The following NELFB variants were observed in gnomAD, a reference collection of about 807,000 sequenced individuals.
NELFB encodes the protein negative elongation factor B.
A neutral mutation model predicts 60.2 loss-of-function variants in NELFB; 34 were observed. That is an observed-to-expected ratio of 0.56 (90% CI 0.43 to 0.75). NELFB has a LOEUF of 0.75. NELFB is among the 30% of genes least tolerant of loss of function. The probability of loss-of-function intolerance (pLI) is 0.00; values close to 1 mark genes in which losing one functional copy is unlikely to be tolerated. For synonymous variants in NELFB, 459 were observed against 382.1 expected (o/e 1.20, Z -2.35); for missense variants, 770 against 831.6 (o/e 0.93, Z 0.91).
At position 137,273,108 on chromosome 9, in the gene NELFB, C is replaced by A; in HGVS notation, c.*180C>A. ...TTGGAGCTGGCTCCCGGACCTTGCC[C>A]ACCATCCATGCAGTGGCTCCCAGGG... On this transcript the variant is annotated 3_prime_UTR_variant, in exon 13 of 13. Coordinates refer to ENST00000343053, the MANE Select transcript of NELFB (RefSeq NM_015456.5). 1 of 616,928 alleles carries A rather than the reference C, an allele frequency of 1.6e-6. No individual in the cohort carries two copies. Among genetic ancestry groups the A allele is most frequent in the Non-Finnish European group, 2.6e-6 (1 of 380,264 alleles). The allele number at this position is 616,928 out of a possible 1,614,324, so 38.2% of individuals were successfully genotyped here. A position where few individuals can be genotyped will look rare whatever the true frequency, so the allele number is the denominator to read the frequency against.
chr9:137,261,016 G>A (rs1323262315), intron 4 of NELFB, among the ~76,000 whole-genome samples: 5 of 149,912 alleles, frequency 3.3e-5, no homozygotes, highest in South Asian at 4.2e-4. Flanking sequence ...CCAAGATTGC[G>A]CCACTGTACT....
At chr9:137,266,167 C>T (rs928108562) in intron 7 of NELFB, among the ~76,000 whole-genome samples, 164 bp from the exon 8 acceptor site, 12 of 152,262 alleles carry the variant, frequency 7.9e-5, no homozygotes, top group South Asian at 2.1e-4. Flanking sequence ...TGTGCTTCCC[C>T]GCTGTGAGAC....
chr9:137,256,216 A>G (rs1837548152), intron 2 of NELFB, 113 bp from the exon 3 acceptor site: 2 of 1,349,216 alleles, frequency 1.5e-6, no homozygotes, highest in Non-Finnish European at 2.1e-6. Flanking sequence ...CCCTTGACCC[A>G]TGTGTCCTGG....
chr9:137,263,296 C>A, intron 5 of NELFB, 74 bp downstream of exon 5: 1 of 1,364,838 alleles, frequency 7.3e-7, no homozygotes, highest in Non-Finnish European at 1.0e-6. Context: ...TTCCCTCCCA[C>A]TCCCCGGCCC....
intron 4 of NELFB, among the ~76,000 whole-genome samples, chr9:137,261,690 A>T (rs982188652): frequency 6.6e-6 from 1 of 151,248 alleles, no homozygotes; most frequent in Non-Finnish European, 1.5e-5. Flanking sequence ...GATTGGGTGT[A>T]GGGACCAGCC....
chr9:137,256,785 C>T (rs748714715), intron 3 of NELFB, 39 bp from the exon 4 acceptor site: 10 of 1,596,810 alleles, frequency 6.3e-6, no homozygotes, highest in African/African-American at 1.3e-5. Context: ...GACCCAGGGA[C>T]ACAGGTGCCA....
At chr9:137,270,280 C>CAAAAA (rs989557010) in intron 10 of NELFB, among the ~76,000 whole-genome samples, 1 of 53,298 alleles carries the variant, frequency 1.9e-5, no homozygotes, top group African/African-American at 6.9e-5. Flanking sequence ...GACTCCGTCT[C>CAAAAA]AAAAAAAAAA....
At chr9:137,258,150 G>T (rs1292256764) in intron 4 of NELFB, among the ~76,000 whole-genome samples, 3 of 128,028 alleles carry the variant, frequency 2.3e-5, no homozygotes, top group South Asian at 5.0e-4. Flanking sequence ...TTGAGACAGG[G>T]TCTCACTCTG....
At chr9:137,264,629 G>A (rs951614448) in intron 6 of NELFB, among the ~76,000 whole-genome samples, 2 of 151,910 alleles carry the variant, frequency 1.3e-5, no homozygotes, top group African/African-American at 4.8e-5. Flanking sequence ...CTGCGCTCAG[G>A]TAATTTTTGT....
At chr9:137,259,343 C>G (rs74561745) in intron 4 of NELFB, among the ~76,000 whole-genome samples, 1 of 152,218 alleles carries the variant, frequency 6.6e-6, no homozygotes, top group Non-Finnish European at 1.5e-5. Flanking sequence ...CCCTTCGGGC[C>G]GTGGTTCCTG....
chr9:137,260,745 G>C (rs934876107), intron 4 of NELFB, among the ~76,000 whole-genome samples: 2 of 151,374 alleles, frequency 1.3e-5, no homozygotes, highest in African/African-American at 4.8e-5. Context: ...GAGCCACCGT[G>C]CCCAGCCCGA....
chr9:137,265,381 C>T (rs1381752963), intron 6 of NELFB, among the ~76,000 whole-genome samples: 3 of 86,764 alleles, frequency 3.5e-5, no homozygotes, highest in Non-Finnish European at 7.4e-5. Context: ...AATTGCAAAC[C>T]TTAAGCTTTT....
chr9:137,259,697 A>G (rs977961822), intron 4 of NELFB, among the ~76,000 whole-genome samples: 21 of 149,640 alleles, frequency 1.4e-4, no homozygotes, highest in South Asian at 2.1e-4. Context: ...ACTACTTTTT[A>G]AAATTTATTT....
chr9:137,264,120 T>C lies in NELFB; in HGVS notation c.928-125T>C. 8.7e-6 allele frequency: 6 copies of C among 689,480 alleles called. 1 individual carries two copies. Among genetic ancestry groups the C allele is most frequent in the South Asian group, 8.5e-5 (5 of 58,698 alleles). The allele number at this position is 689,480 out of a possible 1,614,324, so 42.7% of individuals were successfully genotyped here. A position where few individuals can be genotyped will look rare whatever the true frequency, so the allele number is the denominator to read the frequency against. ...CTGCACCGTCAGGATGACTGGTGCCTGCTGCCGCCCCCCGCAGCAGCTATG... is the reference window on the plus strand; with the variant it reads ...CTGCACCGTCAGGATGACTGGTGCCCGCTGCCGCCCCCCGCAGCAGCTATG... On this transcript the variant is annotated intron_variant, in intron 5 of 12. Transcript: ENST00000343053.
chr9:137,267,257 G>A lies in NELFB; in HGVS notation c.1400G>A (p.Arg467His), dbSNP rs369149566. 5.6e-6 allele frequency: 9 copies of A among 1,612,552 alleles called. No individual in the cohort carries two copies. The African/African-American group carries it at 6.7e-5, about 12-fold the overall frequency. The change falls in exon 10 of 13, where the codon CGC (arginine) becomes CAC (histidine). Residue 467 changes from arginine to histidine, a missense_variant. Transcript: ENST00000343053. ...GGGCGCAGGTTTCTGCAGGAGCAGC[G>A]CATGGCCTGCGAGGTGGGGCTGTAC...
In NELFB at chr9:137,266,346, C is replaced by T; in HGVS notation, c.1159C>T (p.Leu387=). 6.2e-7 allele frequency: 1 copy of T among 1,612,876 alleles called. No homozygotes were observed. The highest frequency in any genetic ancestry group is 1.1e-5 in the South Asian group (1 of 91,070). The change falls in exon 8 of 13, where the codon CTG becomes TTG. Residue 387 remains leucine (L), a synonymous_variant. Transcript: ENST00000343053. ...CTCCCTACAGGACAGCCCCGACCTC[C>T]TGCTGCTGCTCCGGCTGCTGGCGCT... is the stretch of plus-strand genomic sequence containing the variant.
intron 2 of NELFB, 88 bp from the exon 3 acceptor site, chr9:137,256,241 C>T: frequency 3.5e-6 from 5 of 1,419,880 alleles, no homozygotes; most frequent in Admixed American, 1.7e-5. Flanking sequence ...GGAGGCTTGT[C>T]CTGGTAGCTG....
rs1564441065 is a variant in NELFB at position 137,255,919 on chromosome 9, G to A, written c.259G>A (p.Val87Met). The change falls in exon 2 of 13, where the codon GTG (valine) becomes ATG (methionine). Residue 87 changes from valine to methionine, a missense_variant. By Grantham distance (21) the Val-to-Met change is conservative (BLOSUM62 1). Coordinates refer to ENST00000343053, the MANE Select transcript of NELFB (RefSeq NM_015456.5). ...TTGGCTTCCTCAGACAGAGAATGGT[G>A]TGCTGCTGCCATCTCTTCAGTCAGC... is the stretch of plus-strand genomic sequence containing the variant. 3 of 1,613,992 alleles carry A rather than the reference G, an allele frequency of 1.9e-6. No homozygotes were observed. Among genetic ancestry groups the A allele is most frequent in the Non-Finnish European group, 1.7e-6 (2 of 1,180,008 alleles).
intron 7 of NELFB, 21 bp from the exon 8 acceptor site, chr9:137,266,310 C>T (rs1460026442): frequency 6.2e-7 from 1 of 1,604,958 alleles, no homozygotes; most frequent in Non-Finnish European, 8.5e-7. Context: ...GGGAGAGGCG[C>T]TGAGCCCGTC....
Sources: gnomAD v4.1 joint callset for allele counts (sites outside exome capture counted in the v4.1 genomes callset) on GRCh38, gnomAD v4.1.1 for gene constraint, MANE v1.5 for transcripts, NCBI Gene and HGNC (gene_info 2026-07-23, HGNC 2026-07-21) for gene names.